Variants in REXO1 observed in about 807,000 individuals in gnomAD.
The protein encoded by REXO1 is REX1, RNA exonuclease 1 homolog.
Under a neutral mutation model 102.6 loss-of-function variants are expected in REXO1, and 42 were observed. That is an observed-to-expected ratio of 0.41 (90% confidence interval 0.32 to 0.53). REXO1 has a LOEUF of 0.53. REXO1 is among the 20% of genes least tolerant of loss of function. REXO1 has a pLI of 0.27. For synonymous variants in REXO1, 908 were observed against 779.1 expected (o/e 1.17, Z -2.76); for missense variants, 1,819 against 1,732.5 (o/e 1.05, Z -0.89).
chr19:1,837,495 C>T (rs932753703), intron 1 of REXO1, among the ~76,000 whole-genome samples: 7 of 152,218 alleles, frequency 4.6e-5, no homozygotes, highest in African/African-American at 4.8e-5. Flanking sequence ...GAGAGGGCTT[C>T]GAGGAAAAGT....
At position 1,818,830 on chromosome 19, in the gene REXO1, G is replaced by A; in HGVS notation, c.2778C>T (p.Tyr926=). ...RVEDLKGAAL[Y]SRLREYLLTQ... is the part of the protein sequence containing the mutation. ...TGAGCAGGTACTCCCTGAGGCGGCTGTACAGGGCAGCCCCTGTGGACAGGC... is the reference window on the plus strand; with the variant it reads ...TGAGCAGGTACTCCCTGAGGCGGCTATACAGGGCAGCCCCTGTGGACAGGC... Residue 926 remains tyrosine (Y), a synonymous_variant, in exon 9 of 16, where the codon TAC becomes TAT. Coordinates refer to ENST00000170168, the MANE Select transcript of REXO1 (RefSeq NM_020695.4). 6 of 1,609,234 alleles carry A rather than the reference G, an allele frequency of 3.7e-6. No individual in the cohort carries two copies. Among genetic ancestry groups the A allele is most frequent in the Non-Finnish European group, 5.1e-6 (6 of 1,179,728 alleles).
rs563094105 is a variant in REXO1, at chr19:1,827,106, C to T, written c.1683G>A (p.Pro561=). ...GCCGCTTGGGCGGCCCCTGCGCCTCCGGGAAGCCCAGGCTGGAGTCTGAGT... is the reference window on the plus strand; with the variant it reads ...GCCGCTTGGGCGGCCCCTGCGCCTCTGGGAAGCCCAGGCTGGAGTCTGAGT... ...DSDSDSSLGF[P]EAQGPPKRLK... Residue 561 remains proline (P), a synonymous_variant, in exon 2 of 16, where the codon CCG becomes CCA. Transcript: ENST00000170168. The T allele has an allele frequency of 2.3e-5, 36 of 1,541,168 alleles. No individual in the cohort carries two copies. The highest frequency in any genetic ancestry group is 8.2e-5 in the African/African-American group (6 of 73,070).
intron 1 of REXO1, among the ~76,000 whole-genome samples, chr19:1,845,786 G>C (rs536894449): frequency 4.6e-5 from 7 of 152,228 alleles, no homozygotes; most frequent in African/African-American, 1.7e-4. Context: ...GTGACCCAGG[G>C]CCCAGGAGCA....
intron 10 of REXO1, among the ~76,000 whole-genome samples, 166 bp downstream of exon 10, chr19:1,818,316 G>T (rs1367747391): frequency 2.0e-5 from 3 of 152,230 alleles, no homozygotes; most frequent in African/African-American, 7.2e-5. Context: ...GAGAGAAAAT[G>T]AGGCCAAGGG....
intron 3 of REXO1, chr19:1,824,689 A>T (rs2069655499): frequency 6.6e-6 from 1 of 152,234 alleles, no homozygotes; most frequent in African/African-American, 2.4e-5. Context: ...GGGTGGAAGA[A>T]CGAATGGGGA....
intron 6 of REXO1, 46 bp downstream of exon 6, chr19:1,820,218 C>G: frequency 6.3e-7 from 1 of 1,590,780 alleles, no homozygotes; most frequent in South Asian, 1.1e-5. Context: ...CACCCTGGAC[C>G]CCTAGTCCCC....
At chr19:1,847,492 T>C (rs1249482951) in intron 1 of REXO1, among the ~76,000 whole-genome samples, 1 of 152,168 alleles carries the variant, frequency 6.6e-6, no homozygotes, top group African/African-American at 2.4e-5. Context: ...TCCACGACTT[T>C]CCTTGCGATG....
rs776738430 is a variant in REXO1, at chr19:1,820,357, G to A, written c.2433C>T (p.Gly811=). 6.2e-7 allele frequency: 1 copy of A among 1,613,694 alleles called. No homozygotes were observed. Among genetic ancestry groups the A allele is most frequent in the Non-Finnish European group, 8.5e-7 (1 of 1,179,954 alleles). Residue 811 remains glycine, a synonymous_variant, in exon 6 of 16, where the codon GGC becomes GGT. Coordinates refer to ENST00000170168, the MANE Select transcript of REXO1 (RefSeq NM_020695.4). The part of the protein sequence containing the change: ...KKPIIPKEFG[G]KVPTVIRQRY... ...GCTGGCGGATGACGGTGGGGACTTTGCCCCCAAACTCTTTGGGGATAATGG... is the reference window on the plus strand; with the variant it reads ...GCTGGCGGATGACGGTGGGGACTTTACCCCCAAACTCTTTGGGGATAATGG...
At chr19:1,833,564 ATGC>A in intron 1 of REXO1, among the ~76,000 whole-genome samples, 1 of 152,276 alleles carries the variant, frequency 6.6e-6, no homozygotes, top group Middle Eastern at 3.4e-3. Flanking sequence ...GGCCAGGAGG[ATGC>A]TCCCGGCAGG....
intron 1 of REXO1, among the ~76,000 whole-genome samples, chr19:1,844,876 T>TGCCTCC (rs1442106292): frequency 1.3e-5 from 2 of 152,198 alleles, no homozygotes; most frequent in African/African-American, 4.8e-5. Flanking sequence ...CCTCAGCCTC[T>TGCCTCC]GCCTCCCTCA....
Position 1,848,182 on chromosome 19 carries a change from A to G in REXO1, c.157+20T>C, listed in dbSNP as rs1488518482. 5 of 1,183,072 alleles carry G rather than the reference A, an allele frequency of 4.2e-6. No individual in the cohort carries two copies. The African/African-American group carries it at 6.4e-5, about 15-fold the overall frequency. The allele number at this position is 1,183,072 out of a possible 1,614,324, so 73.3% of individuals were successfully genotyped here. On this transcript the variant is annotated intron_variant, in intron 1 of 15. Transcript: ENST00000170168. ...GGGCAGGGGAGCCGAGCCCAAGGCA[A>G]GCAGGCGGGCGGGCATTACCTGCTG...
chr19:1,821,374 G>T, intron 5 of REXO1, 145 bp downstream of exon 5: 1 of 910,880 alleles, frequency 1.1e-6, no homozygotes, highest in Non-Finnish European at 1.7e-6. Context: ...CAAGGCATGG[G>T]GAGGGAAGGT....
intron 4 of REXO1, chr19:1,821,981 G>A: frequency 1.8e-6 from 1 of 541,936 alleles, no homozygotes; most frequent in Non-Finnish European, 3.2e-6. Context: ...GTCGATGTCT[G>A]AGGGAAAGGC....
chr19:1,834,955 C>CT (rs1352402062), intron 1 of REXO1: 2 of 438,450 alleles, frequency 4.6e-6, no homozygotes, highest in Non-Finnish European at 9.2e-6. Context: ...CTGTGACCCA[C>CT]TGGTGCTGGA....
In REXO1 at chr19:1,825,846, C is replaced by T. The variant is rs148840948; in HGVS notation, c.2009G>A (p.Gly670Asp). 720 of 1,608,886 alleles carry T rather than the reference C, an allele frequency of 4.5e-4. 6 individuals are homozygous for T. The highest frequency in any genetic ancestry group is 3.7e-3 in the South Asian group (334 of 90,964). Reference protein sequence around the residue: ...KRRISHLSKQGQEVEPPRRGP... With the variant: ...KRRISHLSKQDQEVEPPRRGP... ...GGCCTCTGCGGACCTTACCTCCTGG[C>T]CTTGCTTGGAAAGGTGGGAGATCCT... is the stretch of plus-strand genomic sequence containing the variant. Residue 670 changes from glycine to aspartate, a missense_variant, in exon 3 of 16, where the codon GGC becomes GAC. Gly to Asp is a moderately conservative substitution (Grantham distance 94, BLOSUM62 -1). Coordinates refer to ENST00000170168, the MANE Select transcript of REXO1 (RefSeq NM_020695.4).
rs1568675638 is a variant in REXO1, at chr19:1,815,850, T to C, written c.*216A>G. On this transcript the variant is annotated 3_prime_UTR_variant, in exon 16 of 16. Coordinates refer to ENST00000170168, the MANE Select transcript of REXO1 (RefSeq NM_020695.4). This position sits in a 1 kb window ranked among gnomAD's most constrained non-coding sequence, Gnocchi z 4.0. ...GCAGTTTCTAGAGACGCCAGAGGGC[T>C]GGGGGGCAGAGGGTGGGGACCGGCG... 3 of 1,370,254 alleles carry C rather than the reference T, an allele frequency of 2.2e-6. No individual in the cohort carries two copies. Among genetic ancestry groups the C allele is most frequent in the Non-Finnish European group, 1.9e-6 (2 of 1,064,296 alleles). The allele number at this position is 1,370,254 out of a possible 1,614,324, so 84.9% of individuals were successfully genotyped here.
chr19:1,816,634 A>AGGGGGGGGGG, intron 13 of REXO1, 64 bp downstream of exon 13: 1 of 214,768 alleles, frequency 4.7e-6, no homozygotes. Flanking sequence ...GGGGCGGGGG[A>AGGGGGGGGGG]GGGTGGGTCC....
In REXO1 at chr19:1,816,418, G is replaced by T. The variant is rs1381303878; in HGVS notation, c.3456+13C>A. 3.1e-6 allele frequency: 5 copies of T among 1,609,476 alleles called. No individual in the cohort carries two copies. Among genetic ancestry groups the T allele is most frequent in the Non-Finnish European group, 2.5e-6 (3 of 1,178,498 alleles). On this transcript the variant is annotated intron_variant, in intron 14 of 15. Transcript: ENST00000170168. The stretch of plus-strand genomic sequence containing the variant: ...TGCTGGAGAACCGCGCGGGACCCGG[G>T]CCGGCAGGGCACCTTCAGGGCCAGG...
At position 1,819,855 on chromosome 19, in the gene REXO1, A is replaced by AGGTCCCAGCGAG; in HGVS notation, c.2650+67_2650+78dup. On this transcript the variant is annotated intron_variant, in intron 7 of 15. Coordinates refer to ENST00000170168, the MANE Select transcript of REXO1 (RefSeq NM_020695.4). ...ACTGTGGCTGAGCTCAGGGCTGTGA[A>AGGTCCCAGCGAG]GGTCCCAGCGAGGGTCCCAGCCCAG... 7 of 1,387,232 alleles carry AGGTCCCAGCGAG rather than the reference A, an allele frequency of 5.0e-6. No homozygotes were observed. The South Asian group carries it at 1.0e-4, about 21-fold the overall frequency. 85.9% of individuals were successfully genotyped at this position (1,387,232 alleles called of 1,614,324 possible). A position where few individuals can be genotyped will look rare whatever the true frequency, so the allele number is the denominator to read the frequency against.
Sources: allele counts gnomAD v4.1 joint callset (sites outside exome capture counted in the v4.1 genomes callset), GRCh38; gene constraint gnomAD v4.1.1; non-coding constraint Gnocchi (gnomAD v3.1); transcripts MANE v1.5; gene names NCBI Gene and HGNC (gene_info 2026-07-23, HGNC 2026-07-21).